The following ISM1 variants were observed in gnomAD, a reference collection of about 807,000 sequenced individuals.
ISM1 encodes the protein isthmin-1.
Under a neutral mutation model 46.3 loss-of-function variants are expected in ISM1, and 25 were observed. The observed-to-expected ratio is 0.54, with a 90% CI of 0.39 to 0.75. The LOEUF is 0.75. Among genes scored for constraint, ISM1 ranks in the 30% least tolerant of loss-of-function variants. ISM1 has a pLI of 0.00. For missense variants in ISM1, 536 were observed against 625.4 expected (o/e 0.86, Z 1.52); for synonymous variants, 255 against 256.7 (o/e 0.99, Z 0.06).
the ISM1 span, among the ~76,000 whole-genome samples, chr20:13,320,560 TAGGATA>T: frequency 6.6e-6 from 1 of 152,180 alleles, no homozygotes; most frequent in Non-Finnish European, 1.5e-5. Flanking sequence ...CTATGTCAAT[TAGGATA>T]AGGCTTGACA....
rs2039902486 is a variant in ISM1 at position 13,254,304 on chromosome 20, CCATATA to C, written c.139-16192_139-16187del. On this transcript the variant is annotated intron_variant, in intron 1 of 5. Coordinates refer to ENST00000262487, the MANE Select transcript of ISM1 (RefSeq NM_080826.2). Reference sequence around the variant, plus strand: ...CAAATATATATTTATATTTATATAACCATATACATATACTTTAAATATGTGTATATA... The same window carrying C: ...CAAATATATATTTATATTTATATAACCATATACTTTAAATATGTGTATATA... Among the ~76,000 whole-genome samples the C allele has an allele frequency of 2.6e-5, 4 of 151,674 alleles. No individual in the cohort carries two copies. In the South Asian group the frequency reaches 8.3e-4, roughly 32 times the overall value.
intron 3 of ISM1, among the ~76,000 whole-genome samples, chr20:13,285,345 A>G (rs1303852799): frequency 1.3e-5 from 2 of 152,188 alleles, no homozygotes; most frequent in Non-Finnish European, 2.9e-5. Context: ...AATTAAAGGA[A>G]TGAAAGAGTT....
intron 1 of ISM1, among the ~76,000 whole-genome samples, chr20:13,269,873 G>A (rs930961526): frequency 2.0e-5 from 3 of 152,074 alleles, no homozygotes; most frequent in African/African-American, 7.2e-5. Flanking sequence ...GTTTATTGCT[G>A]TATCTCCTGT....
rs1280000430 is a variant in ISM1, at chr20:13,292,430, G to A, written c.844G>A (p.Glu282Lys). 6 of 1,605,428 alleles carry A rather than the reference G, an allele frequency of 3.7e-6. No homozygotes were observed. Among genetic ancestry groups the A allele is most frequent in the African/African-American group, 2.7e-5 (2 of 74,836 alleles). Reference protein sequence around the residue: ...ATEVSLLAGSEEFNATKLFEV... With the variant: ...ATEVSLLAGSKEFNATKLFEV... ...CGAAGTGAGTCTGCTTGCGGGAAGC[G>A]AGGAGTTTAATGCCACCAAACTGTT... is the stretch of plus-strand genomic sequence containing the variant. Residue 282 changes from glutamate (E) to lysine (K), a missense_variant, in exon 5 of 6, where the codon GAG (glutamate) becomes AAG (lysine). This residue lies in a region of ISM1 where 169 missense variants were observed against 249.3 expected (regional missense o/e 0.68). Transcript: ENST00000262487.
In ISM1 at chr20:13,248,458, T is replaced by C. The variant is rs115328128; in HGVS notation, c.139-22046T>C. Among the ~76,000 whole-genome samples the C allele has an allele frequency of 4.8e-3, 729 of 152,308 alleles. 3 individuals carry two copies. The highest frequency in any genetic ancestry group is 0.017 in the African/African-American group (703 of 41,566). ...TTTTAATGCAACACCTTGCCTGACA[T>C]ACTGCTTCAAGATCAATCTCAGGAG... On this transcript the variant is annotated intron_variant, in intron 1 of 5. Transcript: ENST00000262487.
chr20:13,286,876 G>A (rs1047635262), intron 3 of ISM1, among the ~76,000 whole-genome samples: 8 of 152,220 alleles, frequency 5.3e-5, no homozygotes, highest in Admixed American at 1.3e-4. Context: ...ACTCCCTCCC[G>A]GCAAGGGGCA....
chr20:13,326,394 A>G, the ISM1 span, among the ~76,000 whole-genome samples: 1 of 152,164 alleles, frequency 6.6e-6, no homozygotes, highest in African/African-American at 2.4e-5. Flanking sequence ...GTATATGTAT[A>G]TATTCAATTT....
Position 13,299,039 on chromosome 20 carries a change from C to T in ISM1, c.975C>T (p.Ser325=). The T allele has an allele frequency of 6.2e-7, 1 of 1,613,824 alleles. No homozygotes were observed. The highest frequency in any genetic ancestry group is 8.5e-7 in the Non-Finnish European group (1 of 1,179,828). The change falls in exon 6 of 6, where the codon TCC becomes TCT. Residue 325 remains serine, a synonymous_variant. Transcript: ENST00000262487. This position sits in a 1 kb window ranked among gnomAD's most constrained non-coding sequence, Gnocchi z 5.8. ...ATGACCTGCCCAGCTGCCCCTGCTCCTACCCCACTGAGGTGGCCTACAGCA... is the reference window on the plus strand; with the variant it reads ...ATGACCTGCCCAGCTGCCCCTGCTCTTACCCCACTGAGGTGGCCTACAGCA... The part of the protein sequence containing the change: ...VMNDLPSCPC[S]YPTEVAYSTA...
chr20:13,289,394 G>A (rs2040328803), intron 4 of ISM1, among the ~76,000 whole-genome samples: 1 of 152,212 alleles, frequency 6.6e-6, no homozygotes, highest in East Asian at 1.9e-4. Flanking sequence ...GCTCCCAGGA[G>A]CGCAACCTGG....
intron 1 of ISM1, among the ~76,000 whole-genome samples, chr20:13,239,898 C>A (rs924778163): frequency 3.3e-5 from 5 of 152,218 alleles, no homozygotes; most frequent in Admixed American, 1.3e-4. Context: ...TCCCCCATTT[C>A]TGAACATCTG....
the ISM1 span, among the ~76,000 whole-genome samples, chr20:13,311,071 G>C: frequency 6.6e-6 from 1 of 152,130 alleles, no homozygotes; most frequent in Admixed American, 6.5e-5. Flanking sequence ...GCGGGTGCCT[G>C]TAATCCCAGC....
intron 1 of ISM1, among the ~76,000 whole-genome samples, chr20:13,243,788 G>T (rs1236835515): frequency 6.6e-6 from 1 of 152,176 alleles, no homozygotes; most frequent in African/African-American, 2.4e-5. Flanking sequence ...GCAAAACATG[G>T]TTTCAGTAGG....
downstream of ISM1, among the ~76,000 whole-genome samples, chr20:13,305,284 T>C (rs2040491379): frequency 6.6e-6 from 1 of 152,082 alleles, no homozygotes; most frequent in African/African-American, 2.4e-5. Flanking sequence ...TCTAACATTT[T>C]TAAGTACTTT....
At chr20:13,254,050 A>C (rs1408230463) in intron 1 of ISM1, among the ~76,000 whole-genome samples, 1 of 128,488 alleles carries the variant, frequency 7.8e-6, no homozygotes. Context: ...AAACCCCATC[A>C]TCTCTACTAA....
At position 13,221,507 on chromosome 20, in the gene ISM1, G is replaced by A. The variant is rs2039446221; in HGVS notation, c.-270G>A. ...GCCAGGCAGCGCCGGGGCTTGCTCC[G>A]CAGCCGGCTTGGACACCCCCGGCCT... On this transcript the variant is annotated 5_prime_UTR_variant, in exon 1 of 6. Coordinates refer to ENST00000262487, the MANE Select transcript of ISM1 (RefSeq NM_080826.2). Among the ~76,000 whole-genome samples the A allele has an allele frequency of 6.9e-6, 1 of 144,118 alleles. No homozygotes were observed. The highest frequency in any genetic ancestry group is 2.5e-5 in the African/African-American group (1 of 40,104). 94.5% of individuals were successfully genotyped at this position (144,118 alleles called of 152,430 possible). A position where few individuals can be genotyped will look rare whatever the true frequency, so the allele number is the denominator to read the frequency against.
intron 1 of ISM1, among the ~76,000 whole-genome samples, chr20:13,238,374 C>T (rs1200876747): frequency 6.6e-6 from 1 of 152,188 alleles, no homozygotes; most frequent in African/African-American, 2.4e-5. Flanking sequence ...TCACTAAAAT[C>T]AGGCAAAATG....
intron 5 of ISM1, among the ~76,000 whole-genome samples, chr20:13,296,571 C>T (rs559923061): frequency 9.4e-4 from 143 of 152,120 alleles, no homozygotes; most frequent in Admixed American, 1.6e-3. Context: ...GAAAGAGTGG[C>T]ATGATCAGAT....
rs1412898304 is a variant in ISM1 at position 13,279,720 on chromosome 20, C to T, written c.465C>T (p.Ser155=). The T allele has an allele frequency of 6.2e-7, 1 of 1,613,996 alleles. No individual in the cohort carries two copies. The highest frequency in any genetic ancestry group is 2.2e-5 in the East Asian group (1 of 44,880). The change falls in exon 3 of 6, where the codon TCC becomes TCT. Residue 155 remains serine (S), a synonymous_variant. Transcript: ENST00000262487. ...PENKPSWSVP[S]PDWRAWWQRS... ...ATAAGCCCAGCTGGTCAGTCCCATCCCCCGACTGGCGGGCCTGGTGGCAGA... is the reference window on the plus strand; with the variant it reads ...ATAAGCCCAGCTGGTCAGTCCCATCTCCCGACTGGCGGGCCTGGTGGCAGA...
chr20:13,252,787 T>C (rs2039882380), intron 1 of ISM1, among the ~76,000 whole-genome samples: 1 of 151,920 alleles, frequency 6.6e-6, no homozygotes, highest in Non-Finnish European at 1.5e-5. Context: ...CTTAAAACCA[T>C]GATGATAGTA....
Sources: gnomAD v4.1 joint callset for allele counts (sites outside exome capture counted in the v4.1 genomes callset) on GRCh38, gnomAD v4.1.1 for gene constraint, gnomAD v4.1.1 regional missense constraint, Gnocchi (gnomAD v3.1) non-coding constraint, MANE v1.5 for transcripts, NCBI Gene and HGNC (gene_info 2026-07-23, HGNC 2026-07-21) for gene names.